Variants in BCHE observed in about 807,000 individuals in gnomAD.
BCHE encodes the protein butyrylcholinesterase, also known as cholinesterase.
A neutral mutation model predicts 51.3 loss-of-function variants in BCHE; 48 were observed. That is an observed-to-expected ratio of 0.94 (90% CI 0.74 to 1.19). The LOEUF (loss-of-function observed/expected upper bound fraction) is 1.19. BCHE is among the 50% of genes most tolerant of loss of function. The pLI is 0.00. For synonymous variants in BCHE, 251 were observed against 238.0 expected (o/e 1.05, Z -0.50); for missense variants, 847 against 708.2 (o/e 1.20, Z -2.23).
At chr3:165,823,444 G>A (rs1348215216) in intron 2 of BCHE, among the ~76,000 whole-genome samples, 2 of 151,876 alleles carry the variant, frequency 1.3e-5, no homozygotes, top group African/African-American at 4.8e-5. Context: ...GAACAAACAA[G>A]GCAATGAATT....
At chr3:165,782,908 T>C (rs1039384846) in intron 3 of BCHE, among the ~76,000 whole-genome samples, 7 of 152,002 alleles carry the variant, frequency 4.6e-5, no homozygotes, top group East Asian at 3.9e-4. Flanking sequence ...TTTTTCTCCA[T>C]GAACTCATCA....
intron 2 of BCHE, among the ~76,000 whole-genome samples, chr3:165,802,607 A>T (rs914570862): frequency 1.3e-5 from 2 of 151,700 alleles, no homozygotes; most frequent in Admixed American, 6.6e-5. Context: ...ATGGGGAAAA[A>T]TTTTAAAAAT....
rs1712945140 is a variant in BCHE at position 165,786,220 on chromosome 3, T to C, written c.1609A>G (p.Arg537Gly). The C allele has an allele frequency of 6.2e-7, 1 of 1,612,382 alleles. No homozygotes were observed. Among genetic ancestry groups the C allele is most frequent in the Non-Finnish European group, 8.5e-7 (1 of 1,178,798 alleles). The stretch of plus-strand genomic sequence containing the variant: ...TGAGCACGTAGTTTCGTCATTATTC[T>C]TGTTGACTCTGTATTCAAGGTTAGA... ...KYLTLNTEST[R>G]IMTKLRAQQC... The change falls in exon 3 of 4, where the codon AGA becomes GGA. Residue 537 changes from arginine to glycine, a missense_variant. Coordinates refer to ENST00000264381, the MANE Select transcript of BCHE (RefSeq NM_000055.4).
In BCHE at chr3:165,830,359, T is replaced by C. The variant is rs1225421595; in HGVS notation, c.675A>G (p.Glu225=). ...GNPKSVTLFG[E]SAGAASVSLH... ...GGCTAACTGAAGCTGCTCCTGCACT[T>C]TCTCCAAAGAGAGTTACACTTTTAG... Residue 225 remains glutamate, a synonymous_variant, in exon 2 of 4, where the codon GAA becomes GAG. Coordinates refer to ENST00000264381, the MANE Select transcript of BCHE (RefSeq NM_000055.4). 5.0e-6 allele frequency: 8 copies of C among 1,614,030 alleles called. No homozygotes were observed. The South Asian group carries it at 7.7e-5, about 16-fold the overall frequency.
intron 1 of BCHE, among the ~76,000 whole-genome samples, chr3:165,833,534 T>C (rs1359830032): frequency 6.6e-6 from 1 of 152,182 alleles, no homozygotes; most frequent in East Asian, 1.9e-4. Context: ...TATAATTGTA[T>C]AAGACCACCA....
intron 3 of BCHE, among the ~76,000 whole-genome samples, chr3:165,783,216 A>G (rs931023400): frequency 1.3e-5 from 2 of 152,104 alleles, no homozygotes; most frequent in African/African-American, 4.8e-5. Context: ...CATGGAATGC[A>G]TATTTCTTTA....
At chr3:165,811,723 T>C (rs16849680) in intron 2 of BCHE, among the ~76,000 whole-genome samples, 2,414 of 152,114 alleles carry the variant, frequency 0.016, 73 homozygotes, top group African/African-American at 0.055. Context: ...CAGATAACCA[T>C]AGTTTTACCT....
chr3:165,798,356 C>G (rs1713502410), intron 2 of BCHE, among the ~76,000 whole-genome samples: 1 of 151,940 alleles, frequency 6.6e-6, no homozygotes, highest in African/African-American at 2.4e-5. Context: ...TGTTTGAGAC[C>G]TGTTTCAGAG....
chr3:165,811,014 A>T (rs1714072501), intron 2 of BCHE, among the ~76,000 whole-genome samples: 1 of 152,122 alleles, frequency 6.6e-6, no homozygotes, highest in South Asian at 2.1e-4. Flanking sequence ...ATTGACTGAA[A>T]TTTATTGCAC....
At chr3:165,775,779 C>A (rs1482914196) in intron 3 of BCHE, among the ~76,000 whole-genome samples, 1 of 151,842 alleles carries the variant, frequency 6.6e-6, no homozygotes, top group Non-Finnish European at 1.5e-5. Context: ...AAATAGGGGG[C>A]ATTGATTGAG....
chr3:165,783,855 A>T (rs1279891451), intron 3 of BCHE, among the ~76,000 whole-genome samples: 10 of 152,058 alleles, frequency 6.6e-5, no homozygotes, highest in Admixed American at 6.6e-4. Context: ...TGAAATAAAT[A>T]TTGTGAATTT....
At position 165,776,536 on chromosome 3, in the gene BCHE, A is replaced by G. The variant is rs1349479655; in HGVS notation, c.1685-3030T>C. ...AGAGAAGAAAAGGAAATGTGTAGAA[A>G]AGAGAAAAAGAAAGTGGAGGCTTGA... On this transcript the variant is annotated intron_variant, in intron 3 of 3. Transcript: ENST00000264381. Among the ~76,000 whole-genome samples the G allele has an allele frequency of 2.0e-5, 3 of 151,976 alleles. No individual in the cohort carries two copies. The East Asian group carries it at 5.8e-4, about 29-fold the overall frequency.
chr3:165,781,785 A>C (rs1395683558), intron 3 of BCHE, among the ~76,000 whole-genome samples: 1 of 152,134 alleles, frequency 6.6e-6, no homozygotes, highest in Non-Finnish European at 1.5e-5. Flanking sequence ...TCTGCAAAAG[A>C]CCAAATGGCT....
chr3:165,832,108 A>G (rs1470766423), intron 1 of BCHE, among the ~76,000 whole-genome samples: 1 of 152,212 alleles, frequency 6.6e-6, no homozygotes, highest in Non-Finnish European at 1.5e-5. Flanking sequence ...CTACAAAATC[A>G]TAAGTATTTG....
At chr3:165,805,632 G>C (rs1713838565) in intron 2 of BCHE, among the ~76,000 whole-genome samples, 1 of 152,174 alleles carries the variant, frequency 6.6e-6, no homozygotes, top group African/African-American at 2.4e-5. Context: ...AGCACAGATG[G>C]ATGATAGCAA....
intron 2 of BCHE, among the ~76,000 whole-genome samples, chr3:165,789,099 AT>A (rs1438518083): frequency 1.3e-5 from 2 of 152,160 alleles, no homozygotes; most frequent in Admixed American, 1.3e-4. Context: ...TTCTCAAAGA[AT>A]TTTTTGTTCT....
intron 2 of BCHE, among the ~76,000 whole-genome samples, chr3:165,800,116 A>AT (rs969181628): frequency 5.9e-5 from 9 of 151,842 alleles, no homozygotes; most frequent in Non-Finnish European, 1.0e-4. Flanking sequence ...TTCCTCCAAA[A>AT]TTTTTTTTCT....
At chr3:165,828,307 T>C (rs997921908) in intron 2 of BCHE, among the ~76,000 whole-genome samples, 2 of 152,224 alleles carry the variant, frequency 1.3e-5, no homozygotes, top group South Asian at 4.1e-4. Flanking sequence ...TTGGTATTAG[T>C]GAGATAACTG....
intron 2 of BCHE, among the ~76,000 whole-genome samples, chr3:165,825,309 C>T (rs375099147): frequency 2.8e-4 from 42 of 148,448 alleles, no homozygotes; most frequent in African/African-American, 1.0e-3. Context: ...ACCTCAATGC[C>T]TACATTAAAA....
Sources: allele counts gnomAD v4.1 joint callset (sites outside exome capture counted in the v4.1 genomes callset), GRCh38; gene constraint gnomAD v4.1.1; transcripts MANE v1.5; gene names NCBI Gene and HGNC (gene_info 2026-07-23, HGNC 2026-07-21).